ZNF264: variants seen among roughly 807,000 people sequenced by gnomAD.
ZNF264 encodes the protein zinc finger protein 264.
A neutral mutation model predicts 11.2 loss-of-function variants in ZNF264; 11 were observed. The observed-to-expected ratio is 0.98, with a 90% confidence interval of 0.62 to 1.63. ZNF264 has a LOEUF of 1.63. Ranked by LOEUF, ZNF264 falls within the 40% of genes most tolerant of loss-of-function variation. The pLI, the probability that ZNF264 is intolerant of heterozygous loss-of-function variation, is 0.00. For synonymous variants in ZNF264, 309 were observed against 279.8 expected (o/e 1.10, Z -1.04); for missense variants, 752 against 768.1 (o/e 0.98, Z 0.25).
Position 57,212,281 on chromosome 19 carries a change from G to A in ZNF264, c.1184G>A (p.Gly395Glu). The A allele has an allele frequency of 6.2e-7, 1 of 1,614,110 alleles. No individual in the cohort carries two copies. The highest frequency in any genetic ancestry group is 8.5e-7 in the Non-Finnish European group (1 of 1,180,020). ...ALIHHYVIHTGEKPFECLECG... is the reference protein window; with the variant it reads ...ALIHHYVIHTEEKPFECLECG... ...ATTCACCACTATGTCATCCACACTG[G>A]AGAGAAGCCCTTTGAGTGCCTCGAG... The change falls in exon 4 of 4, where the codon GGA becomes GAA. Residue 395 changes from glycine to glutamate, a missense_variant. Physicochemically the swap from Gly to Glu is moderately conservative, Grantham distance 98. Transcript: ENST00000263095.
intron 2 of ZNF264, among the ~76,000 whole-genome samples, chr19:57,201,947 C>T (rs1441299512): frequency 6.6e-6 from 1 of 151,810 alleles, no homozygotes; most frequent in African/African-American, 2.4e-5. Flanking sequence ...TGTGGTAGCT[C>T]ATGCCTGTAG....
chr19:57,213,953 G>A lies in ZNF264; in HGVS notation c.*972G>A, dbSNP rs999392887. The stretch of plus-strand genomic sequence containing the variant: ...ATTTTTGTTAGAATTTGCATCCTAG[G>A]GTGCTTTTTTGTTTGTGTGTGTGTG... On this transcript the variant is annotated 3_prime_UTR_variant, in exon 4 of 4. Coordinates refer to ENST00000263095, the MANE Select transcript of ZNF264 (RefSeq NM_003417.5). 1 of 151,970 alleles carries A rather than the reference G, an allele frequency of 6.6e-6. No individual in the cohort carries two copies. Among genetic ancestry groups the A allele is most frequent in the Non-Finnish European group, 1.5e-5 (1 of 67,990 alleles). The allele number at this position is 151,970 out of a possible 1,614,324, so 9.4% of individuals were successfully genotyped here.
At chr19:57,202,331 A>G (rs2122747222) in intron 2 of ZNF264, among the ~76,000 whole-genome samples, 1 of 152,118 alleles carries the variant, frequency 6.6e-6, no homozygotes, top group South Asian at 2.1e-4. Flanking sequence ...AGAAGAGGGC[A>G]TATGCTGGGC....
chr19:57,201,076 C>G (rs1377634068), intron 2 of ZNF264, among the ~76,000 whole-genome samples: 1 of 151,710 alleles, frequency 6.6e-6, no homozygotes, highest in East Asian at 1.9e-4. Context: ...TATATATATA[C>G]AACTTATTTA....
intron 2 of ZNF264, among the ~76,000 whole-genome samples, chr19:57,202,375 A>G (rs542335514): frequency 6.6e-6 from 1 of 152,022 alleles, no homozygotes; most frequent in South Asian, 2.1e-4. Context: ...ACAGGGGAGG[A>G]GAAAGCCTTT....
At chr19:57,200,995 TTAG>T (rs1422548128) in intron 2 of ZNF264, among the ~76,000 whole-genome samples, 5 of 151,912 alleles carry the variant, frequency 3.3e-5, no homozygotes, top group Non-Finnish European at 7.3e-5. Context: ...GTTATAAACA[TTAG>T]TATATAAATG....
At chr19:57,204,375 C>T (rs935392183) in intron 2 of ZNF264, among the ~76,000 whole-genome samples, 2 of 152,116 alleles carry the variant, frequency 1.3e-5, no homozygotes, top group Admixed American at 6.5e-5. Context: ...GTGTCCCCAC[C>T]CATATCTCAC....
At chr19:57,192,297 A>G in intron 1 of ZNF264, 2 of 973,942 alleles carry the variant, frequency 2.1e-6, no homozygotes, top group Non-Finnish European at 2.4e-6. Flanking sequence ...AGCAGAGACA[A>G]GGTATGTTGT....
rs370273318 is a variant in ZNF264 at position 57,212,066 on chromosome 19, C to A, written c.969C>A (p.Val323=). ...TTGTGTGCACAGAATGTGGCCAAGT[C>A]TTTCGACATAGGCCAGGCTTTCTCC... ...KSFVCTECGQ[V]FRHRPGFLRH... Residue 323 remains valine, a synonymous_variant, in exon 4 of 4, where the codon GTC becomes GTA. Coordinates refer to ENST00000263095, the MANE Select transcript of ZNF264 (RefSeq NM_003417.5). 6.2e-7 allele frequency: 1 copy of A among 1,614,078 alleles called. No individual in the cohort carries two copies. The highest frequency in any genetic ancestry group is 1.3e-5 in the African/African-American group (1 of 75,006).
chr19:57,195,984 A>G (rs970443125), intron 2 of ZNF264, among the ~76,000 whole-genome samples: 12 of 151,946 alleles, frequency 7.9e-5, no homozygotes, highest in African/African-American at 1.2e-4. Flanking sequence ...TCCTGGACCC[A>G]TGAATCCTGG....
chr19:57,209,342 T>C (rs2087317007), intron 3 of ZNF264, among the ~76,000 whole-genome samples: 1 of 152,202 alleles, frequency 6.6e-6, no homozygotes, highest in African/African-American at 2.4e-5. Context: ...AGCAATGCAG[T>C]TATTTTCGTT....
intron 2 of ZNF264, among the ~76,000 whole-genome samples, chr19:57,198,015 A>G (rs772146662): frequency 6.6e-6 from 1 of 152,044 alleles, no homozygotes; most frequent in Non-Finnish European, 1.5e-5. Flanking sequence ...GTCTCTCTGA[A>G]TAAGATTACG....
Position 57,203,090 on chromosome 19 carries a change from TAGAG to T in ZNF264, c.161-2302_161-2299del, listed in dbSNP as rs557678852. Reference sequence around the variant, plus strand: ...TGTGAGAGTAGAGAAAAAACATGATTAGAGAGAGTTTTCCCTGCGTATTGGGTTT... The same window carrying T: ...TGTGAGAGTAGAGAAAAAACATGATTAGAGTTTTCCCTGCGTATTGGGTTT... On this transcript the variant is annotated intron_variant, in intron 2 of 3. Coordinates refer to ENST00000263095, the MANE Select transcript of ZNF264 (RefSeq NM_003417.5). Among the ~76,000 whole-genome samples the T allele has an allele frequency of 4.8e-3, 734 of 152,188 alleles. 2 individuals carry two copies. The highest frequency in any genetic ancestry group is 0.016 in the African/African-American group (644 of 41,522).
chr19:57,222,415 G>A lies in ZNF264; in HGVS notation c.*9434G>A, dbSNP rs927208827. ...AAAAAGCAAATCCTAAGTTACAGTG[G>A]AACTTATGAACACCCTAGCCTAGAG... On this transcript the variant is annotated 3_prime_UTR_variant, in exon 4 of 4. Transcript: ENST00000263095. 6.6e-6 allele frequency: 1 copy of A among 151,092 alleles called. No homozygotes were observed. The highest frequency in any genetic ancestry group is 2.4e-5 in the African/African-American group (1 of 41,026). The allele number at this position is 151,092 out of a possible 1,614,324, so 9.4% of individuals were successfully genotyped here. A position where few individuals can be genotyped will look rare whatever the true frequency, so the allele number is the denominator to read the frequency against.
At chr19:57,192,661 G>A in intron 1 of ZNF264, 1 of 731,738 alleles carries the variant, frequency 1.4e-6, no homozygotes, top group Non-Finnish European at 1.7e-6. Context: ...CGTTCCCCAA[G>A]TAGATGCAGC....
chr19:57,200,445 A>T (rs1432663417), intron 2 of ZNF264, among the ~76,000 whole-genome samples: 3 of 145,512 alleles, frequency 2.1e-5, no homozygotes, highest in Non-Finnish European at 4.4e-5. Context: ...TGTCTCTAAA[A>T]TAAATTGAAA....
At position 57,211,581 on chromosome 19, in the gene ZNF264, G is replaced by A; in HGVS notation, c.484G>A (p.Gly162Arg). 1 of 1,614,084 alleles carries A rather than the reference G, an allele frequency of 6.2e-7. No individual in the cohort carries two copies. Among genetic ancestry groups the A allele is most frequent in the Non-Finnish European group, 8.5e-7 (1 of 1,179,968 alleles). ...GKMSPECDGLGTADGVCSRIG... is the reference protein window; with the variant it reads ...GKMSPECDGLRTADGVCSRIG... ...GATGAGCCCTGAATGTGATGGTTTA[G>A]GGACAGCTGATGGTGTGTGTTCAAG... Residue 162 changes from glycine (G) to arginine (R), a missense_variant, in exon 4 of 4, where the codon GGG (glycine) becomes AGG (arginine). Coordinates refer to ENST00000263095, the MANE Select transcript of ZNF264 (RefSeq NM_003417.5).
chr19:57,200,929 A>T (rs565880364), intron 2 of ZNF264, among the ~76,000 whole-genome samples: 1 of 151,966 alleles, frequency 6.6e-6, no homozygotes, highest in East Asian at 1.9e-4. Context: ...TTTATAATAA[A>T]ATTTTTTTTA....
chr19:57,201,855 G>A (rs141689642), intron 2 of ZNF264, among the ~76,000 whole-genome samples: 3 of 151,920 alleles, frequency 2.0e-5, no homozygotes, highest in Non-Finnish European at 4.4e-5. Context: ...ATCCCTTAGT[G>A]AGCTGATCTT....
Sources: allele counts gnomAD v4.1 joint callset (sites outside exome capture counted in the v4.1 genomes callset), GRCh38; gene constraint gnomAD v4.1.1; transcripts MANE v1.5; gene names NCBI Gene and HGNC (gene_info 2026-07-23, HGNC 2026-07-21).